The following FGF14 variants were observed in gnomAD, a reference collection of about 807,000 sequenced individuals.
The protein encoded by FGF14 is fibroblast growth factor 14, also known as fibroblast growth factor homologous factor 4.
A neutral mutation model predicts 25.5 loss-of-function variants in FGF14; 5 were observed. That is an observed-to-expected ratio of 0.20 (90% confidence interval 0.10 to 0.41). The LOEUF (loss-of-function observed/expected upper bound fraction) is 0.41, where lower values mean the gene tolerates loss of function less well. Among genes scored for constraint, FGF14 ranks in the 10% least tolerant of loss-of-function variants. The pLI is 1.00. For missense variants in FGF14, 222 were observed against 320.1 expected (o/e 0.69, Z 2.34); for synonymous variants, 138 against 118.3 (o/e 1.17, Z -1.08).
At chr13:101,904,582 C>G (rs1409098012) in intron 1 of FGF14, among the ~76,000 whole-genome samples, 2 of 152,154 alleles carry the variant, frequency 1.3e-5, no homozygotes, top group Non-Finnish European at 2.9e-5. Context: ...GGAGATTCTG[C>G]TGGAGAATTC....
intron 1 of FGF14, among the ~76,000 whole-genome samples, chr13:102,068,093 CTT>C (rs2042979157): frequency 6.6e-6 from 1 of 152,128 alleles, no homozygotes; most frequent in Non-Finnish European, 1.5e-5. Context: ...AAAATAAAGA[CTT>C]TGCAGACAAA....
intron 1 of FGF14, among the ~76,000 whole-genome samples, chr13:102,025,836 T>C (rs985200914): frequency 1.3e-5 from 2 of 152,112 alleles, no homozygotes; most frequent in African/African-American, 4.8e-5. Context: ...TTGATTGTTC[T>C]ATATTGAGCT....
At chr13:101,849,848 C>T (rs996025263) in intron 3 of FGF14, among the ~76,000 whole-genome samples, 7 of 152,052 alleles carry the variant, frequency 4.6e-5, no homozygotes, top group African/African-American at 1.4e-4. Flanking sequence ...CCCTAATTAA[C>T]TGAGTGAACT....
At chr13:102,091,640 A>G (rs1309988121) in intron 1 of FGF14, among the ~76,000 whole-genome samples, 1 of 152,108 alleles carries the variant, frequency 6.6e-6, no homozygotes, top group African/African-American at 2.4e-5. Flanking sequence ...CAGAGATACT[A>G]GCACCAGCCG....
intron 1 of FGF14, among the ~76,000 whole-genome samples, chr13:101,952,696 C>T (rs999281355): frequency 1.3e-5 from 2 of 152,070 alleles, no homozygotes; most frequent in Non-Finnish European, 2.9e-5. Context: ...CTGGACTATT[C>T]CTAAACCACT....
chr13:101,765,617 A>T (rs1197700693), intron 3 of FGF14, among the ~76,000 whole-genome samples: 1 of 152,206 alleles, frequency 6.6e-6, no homozygotes, highest in Non-Finnish European at 1.5e-5. Flanking sequence ...TTCATGCTAC[A>T]GATTCATACA....
At chr13:101,724,048 A>T (rs780895053) in intron 4 of FGF14, among the ~76,000 whole-genome samples, 3 of 152,066 alleles carry the variant, frequency 2.0e-5, no homozygotes, top group Non-Finnish European at 2.9e-5. Context: ...TGAAAGTGCA[A>T]ATGTACATAA....
intron 1 of FGF14, among the ~76,000 whole-genome samples, chr13:102,242,301 C>T (rs9582568): frequency 0.02 from 3,026 of 152,052 alleles, 103 homozygotes; most frequent in African/African-American, 0.068. Flanking sequence ...AGAGCCAAGC[C>T]CTGACCATAC....
intron 1 of FGF14, among the ~76,000 whole-genome samples, chr13:102,389,893 G>C (rs1014791414): frequency 6.6e-6 from 1 of 152,168 alleles, no homozygotes; most frequent in Non-Finnish European, 1.5e-5. Context: ...GGAGTCCCCT[G>C]TCTTCTGCCA....
At chr13:102,180,369 G>C (rs753446911) in intron 1 of FGF14, among the ~76,000 whole-genome samples, 1 of 152,050 alleles carries the variant, frequency 6.6e-6, no homozygotes, top group Non-Finnish European at 1.5e-5. Flanking sequence ...CTGGATTACA[G>C]TGGCACAATC....
At chr13:101,785,352 T>TAA (rs67849618) in intron 3 of FGF14, among the ~76,000 whole-genome samples, 2 of 140,140 alleles carry the variant, frequency 1.4e-5, no homozygotes, top group Admixed American at 7.1e-5. Flanking sequence ...TCCCAAAGAT[T>TAA]AAAAAAAAAA....
intron 1 of FGF14, among the ~76,000 whole-genome samples, chr13:102,034,621 A>G (rs1566600031): frequency 6.6e-6 from 1 of 152,134 alleles, no homozygotes; most frequent in Admixed American, 6.6e-5. Flanking sequence ...AGCTATTTTA[A>G]TGAAAATCAA....
At chr13:101,908,369 T>A (rs1482126046) in intron 1 of FGF14, among the ~76,000 whole-genome samples, 1 of 152,154 alleles carries the variant, frequency 6.6e-6, no homozygotes, top group Non-Finnish European at 1.5e-5. Context: ...ATCTGTAAAA[T>A]GAATGAATGG....
In FGF14 at chr13:102,096,008, T is replaced by TAC. The variant is rs2044380774; in HGVS notation, c.209-220713_209-220712insGT. On this transcript the variant is annotated intron_variant, in intron 1 of 4. Transcript: ENST00000376131. ...GTGTGTGTGTGTGTGTGTGTATATA[T>TAC]ATATATATAATATATTTCTTTATTT... Among the ~76,000 whole-genome samples, 2 of 149,800 alleles carry TAC rather than the reference T, an allele frequency of 1.3e-5. 1 individual carries two copies. Among genetic ancestry groups the TAC allele is most frequent in the African/African-American group, 4.9e-5 (2 of 41,144 alleles).
chr13:102,212,042 G>A (rs1431098634), intron 1 of FGF14, among the ~76,000 whole-genome samples: 2 of 152,096 alleles, frequency 1.3e-5, no homozygotes, highest in South Asian at 2.1e-4. Flanking sequence ...GGGCTCCTTC[G>A]TTTCCAGGTT....
At chr13:102,009,108 C>T (rs960530063) in intron 1 of FGF14, among the ~76,000 whole-genome samples, 3 of 152,004 alleles carry the variant, frequency 2.0e-5, no homozygotes, top group African/African-American at 4.8e-5. Flanking sequence ...GGGAAAAAGC[C>T]GTATATTTTA....
At chr13:101,965,475 T>A (rs1451343298) in intron 1 of FGF14, among the ~76,000 whole-genome samples, 1 of 152,152 alleles carries the variant, frequency 6.6e-6, no homozygotes, top group Admixed American at 6.5e-5. Flanking sequence ...AAAATTCTTA[T>A]CTGACTTGGA....
intron 3 of FGF14, among the ~76,000 whole-genome samples, chr13:101,854,167 A>G (rs949428462): frequency 1.3e-5 from 2 of 152,138 alleles, no homozygotes; most frequent in Non-Finnish European, 1.5e-5. Context: ...CGTACAATTT[A>G]GAAGAATCAT....
intron 1 of FGF14, among the ~76,000 whole-genome samples, chr13:102,211,015 T>C (rs1023905041): frequency 2.0e-5 from 3 of 152,190 alleles, no homozygotes; most frequent in African/African-American, 7.2e-5. Flanking sequence ...GCAACAACTA[T>C]GACCACCTTT....
Sources: gnomAD v4.1 joint callset for allele counts (sites outside exome capture counted in the v4.1 genomes callset) on GRCh38, gnomAD v4.1.1 for gene constraint, MANE v1.5 for transcripts, NCBI Gene and HGNC (gene_info 2026-07-23, HGNC 2026-07-21) for gene names.